GFOD2: variants seen among roughly 807,000 people sequenced by gnomAD.
GFOD2 encodes the protein Gfo/Idh/MocA-like oxidoreductase domain containing 2, also known as glucose-fructose oxidoreductase domain-containing protein 2.
GFOD2 carries 9 observed loss-of-function variants against 24.6 expected under a neutral mutation model. The observed-to-expected ratio is 0.37, with a 90% confidence interval of 0.22 to 0.64. GFOD2 has a LOEUF of 0.64. GFOD2 is among the 30% of genes least tolerant of loss of function. The pLI is 0.65. For missense variants in GFOD2, 476 were observed against 532.5 expected, an observed-to-expected ratio of 0.89 and a Z score of 1.04; for synonymous variants, 211 against 224.8, an observed-to-expected ratio of 0.94 and a Z score of 0.55.
chr16:67,681,347 G>A lies in GFOD2; in HGVS notation c.259+4110C>T, dbSNP rs774377751. ...AGGAGTTTGGTGGTGATAAAACTAG[G>A]ATAAGGAATTCCTGTTTCATGCCTC... On this transcript the variant is annotated intron_variant, in intron 2 of 2. Transcript: ENST00000268797. The A allele has an allele frequency of 1.8e-5, 18 of 985,302 alleles. No individual in the cohort carries two copies. In the African/African-American group the frequency reaches 3.1e-4, roughly 17 times the overall value. 61.0% of individuals were successfully genotyped at this position (985,302 alleles called of 1,614,324 possible).
At chr16:67,687,962 A>G (rs1165244622) in intron 1 of GFOD2, among the ~76,000 whole-genome samples, 3 of 152,222 alleles carry the variant, frequency 2.0e-5, no homozygotes, top group Non-Finnish European at 2.9e-5. Context: ...TGGGCAATAG[A>G]GTGAGACTGT....
chr16:67,683,709 C>T (rs1007944784), intron 2 of GFOD2: 2 of 1,230,182 alleles, frequency 1.6e-6, no homozygotes, highest in African/African-American at 3.1e-5. Context: ...AGGTGACAGA[C>T]ACCTTCCTAT....
At chr16:67,692,550 A>G (rs1477853526) in intron 1 of GFOD2, among the ~76,000 whole-genome samples, 3 of 152,032 alleles carry the variant, frequency 2.0e-5, no homozygotes, top group African/African-American at 7.2e-5. Flanking sequence ...ACTGCACTCC[A>G]GCTTGGGTGA....
chr16:67,713,267 C>T (rs984527577), intron 1 of GFOD2, among the ~76,000 whole-genome samples: 4 of 152,088 alleles, frequency 2.6e-5, no homozygotes, highest in African/African-American at 9.7e-5. Flanking sequence ...AAGACAAATT[C>T]AAATTGTTTT....
intron 2 of GFOD2, chr16:67,677,532 T>C (rs947566035): frequency 6.6e-6 from 1 of 152,192 alleles, no homozygotes; most frequent in African/African-American, 2.4e-5. Context: ...TCTTTTTGAC[T>C]CTTTGCCTCC....
chr16:67,695,415 C>A (rs1253403579), intron 1 of GFOD2, among the ~76,000 whole-genome samples: 1 of 150,334 alleles, frequency 6.7e-6, no homozygotes, highest in Non-Finnish European at 1.5e-5. Context: ...GGACTCCCTT[C>A]GGCTATTTGG....
At chr16:67,697,077 C>T (rs1056429474) in intron 1 of GFOD2, among the ~76,000 whole-genome samples, 2 of 152,206 alleles carry the variant, frequency 1.3e-5, no homozygotes, top group Non-Finnish European at 2.9e-5. Context: ...TTCCCATCAC[C>T]ACATGCTGGT....
chr16:67,701,720 T>C (rs574135493), intron 1 of GFOD2, among the ~76,000 whole-genome samples: 7 of 149,532 alleles, frequency 4.7e-5, no homozygotes, highest in Non-Finnish European at 7.4e-5. Context: ...GCACAGAATA[T>C]ACAGAAAAAG....
intron 1 of GFOD2, among the ~76,000 whole-genome samples, chr16:67,708,523 C>T (rs2053453109): frequency 6.6e-6 from 1 of 152,222 alleles, no homozygotes; most frequent in African/African-American, 2.4e-5. Flanking sequence ...ACAACTCATA[C>T]TGAGGAAGGG....
At chr16:67,695,404 T>C (rs1182649043) in intron 1 of GFOD2, among the ~76,000 whole-genome samples, 1 of 151,654 alleles carries the variant, frequency 6.6e-6, no homozygotes, top group Admixed American at 6.6e-5. Context: ...TTTCATGTCC[T>C]GGACTCCCTT....
chr16:67,679,315 C>G (rs1473967669), intron 2 of GFOD2, among the ~76,000 whole-genome samples: 1 of 151,502 alleles, frequency 6.6e-6, no homozygotes, highest in African/African-American at 2.4e-5. Context: ...TCACTGCAAC[C>G]TCTGCCTCCT....
rs1380690357 is a variant in GFOD2 at position 67,706,737 on chromosome 16, TA to T, written c.-88+12425del. Among the ~76,000 whole-genome samples, 27 of 151,796 alleles carry T rather than the reference TA, an allele frequency of 1.8e-4. 1 individual carries two copies. The highest frequency in any genetic ancestry group is 1.7e-3 in the Admixed American group (26 of 15,216). ...ATTTCTGCTCATTAAAATACATCAT[TA>T]AAAAAATGAAAATGCAAGCCACAGG... On this transcript the variant is annotated intron_variant, in intron 1 of 2. Coordinates refer to ENST00000268797, the MANE Select transcript of GFOD2 (RefSeq NM_030819.4).
chr16:67,703,674 AC>A (rs1297960716), intron 1 of GFOD2, among the ~76,000 whole-genome samples: 2 of 152,136 alleles, frequency 1.3e-5, no homozygotes, highest in Non-Finnish European at 2.9e-5. Context: ...TGTTACCTGT[AC>A]CCTCAAAGAA....
chr16:67,687,925 C>G (rs749070384), intron 1 of GFOD2, among the ~76,000 whole-genome samples: 2 of 152,018 alleles, frequency 1.3e-5, no homozygotes, highest in Non-Finnish European at 2.9e-5. Context: ...CTGCAGTGAG[C>G]TATGACAGTG....
intron 2 of GFOD2, chr16:67,684,802 G>A: frequency 1.0e-6 from 1 of 985,100 alleles, no homozygotes; most frequent in Non-Finnish European, 1.2e-6. Context: ...CCAGTTGACT[G>A]GAAATAGAAG....
At chr16:67,676,121 T>C (rs1487957488) in intron 2 of GFOD2, 68 bp from the exon 3 acceptor site, 7 of 1,456,502 alleles carry the variant, frequency 4.8e-6, no homozygotes, top group Non-Finnish European at 6.4e-6. Flanking sequence ...CCGCCTGCCC[T>C]GAGGATTTTG....
At chr16:67,706,528 C>T (rs1224995975) in intron 1 of GFOD2, among the ~76,000 whole-genome samples, 2 of 152,120 alleles carry the variant, frequency 1.3e-5, no homozygotes, top group African/African-American at 4.8e-5. Flanking sequence ...TAACCCCTCT[C>T]TCTCACTGTT....
chr16:67,714,243 G>C, intron 1 of GFOD2, among the ~76,000 whole-genome samples: 1 of 148,630 alleles, frequency 6.7e-6, no homozygotes, highest in East Asian at 1.9e-4. Flanking sequence ...ACTTTGGGAG[G>C]CTGAGGTGAG....
At chr16:67,716,509 C>T (rs1367938745) in intron 1 of GFOD2, among the ~76,000 whole-genome samples, 4 of 152,190 alleles carry the variant, frequency 2.6e-5, no homozygotes, top group Non-Finnish European at 4.4e-5. Context: ...AAGCAGTACC[C>T]TCTCCAAAAG....
Sources: gnomAD v4.1 joint callset for allele counts (sites outside exome capture counted in the v4.1 genomes callset) on GRCh38, gnomAD v4.1.1 for gene constraint, MANE v1.5 for transcripts, NCBI Gene and HGNC (gene_info 2026-07-23, HGNC 2026-07-21) for gene names.